Variants in ZNF804B observed in about 807,000 individuals in gnomAD.
ZNF804B encodes zinc finger 804B.
A neutral mutation model predicts 101.4 loss-of-function variants in ZNF804B; 80 were observed. The ratio of observed to expected loss-of-function variants is 0.79; its 90% CI spans 0.66 to 0.95. The LOEUF is 0.95. Among genes scored for constraint, ZNF804B ranks in the 40% least tolerant of loss-of-function variants. ZNF804B has a pLI of 0.00. For synonymous variants in ZNF804B, 622 were observed against 558.8 expected (o/e 1.11, Z -1.59); for missense variants, 1,673 against 1,561.9 (o/e 1.07, Z -1.20).
At chr7:88,955,145 T>A (rs529882172) in intron 1 of ZNF804B, among the ~76,000 whole-genome samples, 1 of 149,956 alleles carries the variant, frequency 6.7e-6, no homozygotes, top group South Asian at 2.1e-4. Flanking sequence ...TTAAAATAAC[T>A]ATGTGGTAAA....
intron 2 of ZNF804B, among the ~76,000 whole-genome samples, chr7:89,267,237 T>A (rs1026419032): frequency 2.6e-5 from 4 of 152,174 alleles, no homozygotes; most frequent in African/African-American, 9.6e-5. Flanking sequence ...CACCTGCTAG[T>A]GACTGGATTC....
At chr7:88,893,483 AAAAT>A (rs2115935394) in intron 1 of ZNF804B, among the ~76,000 whole-genome samples, 1 of 152,270 alleles carries the variant, frequency 6.6e-6, no homozygotes, top group East Asian at 1.9e-4. Flanking sequence ...AGATTTCAAA[AAAAT>A]ACTATATATA....
At chr7:88,976,210 C>A (rs1793613706) in intron 1 of ZNF804B, among the ~76,000 whole-genome samples, 1 of 151,554 alleles carries the variant, frequency 6.6e-6, no homozygotes, top group Non-Finnish European at 1.5e-5. Context: ...GTTCTTATTG[C>A]TCAGAATGGC....
chr7:89,292,706 C>CAAT (rs76213081), intron 2 of ZNF804B, among the ~76,000 whole-genome samples: 38,850 of 151,520 alleles, frequency 0.26, 5,056 homozygotes, highest in Admixed American at 0.29. Flanking sequence ...CCTTACTTAC[C>CAAT]AATAACATCG....
At chr7:88,937,678 A>C (rs750107786) in intron 1 of ZNF804B, among the ~76,000 whole-genome samples, 2 of 152,062 alleles carry the variant, frequency 1.3e-5, no homozygotes, top group African/African-American at 2.4e-5. Context: ...AAAAGAAAAA[A>C]AATGAATTAG....
At chr7:88,974,116 G>C (rs1296053626) in intron 1 of ZNF804B, among the ~76,000 whole-genome samples, 1 of 151,268 alleles carries the variant, frequency 6.6e-6, no homozygotes, top group Non-Finnish European at 1.5e-5. Flanking sequence ...TTCCCGAAGT[G>C]GCAGAAGTCA....
intron 1 of ZNF804B, among the ~76,000 whole-genome samples, chr7:88,848,576 G>T (rs1464548019): frequency 6.7e-6 from 1 of 149,084 alleles, no homozygotes; most frequent in Non-Finnish European, 1.5e-5. Flanking sequence ...TGAAATGATT[G>T]TAAAGTATAT....
chr7:89,026,473 T>C (rs1050434289), intron 1 of ZNF804B, among the ~76,000 whole-genome samples: 3 of 152,154 alleles, frequency 2.0e-5, no homozygotes, highest in Non-Finnish European at 4.4e-5. Flanking sequence ...ATTTGATTTC[T>C]TTGTAGAGAA....
intron 1 of ZNF804B, among the ~76,000 whole-genome samples, chr7:88,933,012 A>G (rs1405703767): frequency 6.6e-6 from 1 of 151,870 alleles, no homozygotes; most frequent in Non-Finnish European, 1.5e-5. Flanking sequence ...TTACAGACCA[A>G]TATCCCTGAT....
chr7:89,323,053 G>A (rs1464673732), intron 2 of ZNF804B, among the ~76,000 whole-genome samples: 2 of 152,234 alleles, frequency 1.3e-5, no homozygotes, highest in South Asian at 2.1e-4. Context: ...GCCTTCGTGA[G>A]TGGGATTAGT....
At chr7:89,004,633 A>G (rs1486838333) in intron 1 of ZNF804B, among the ~76,000 whole-genome samples, 1 of 151,850 alleles carries the variant, frequency 6.6e-6, no homozygotes, top group East Asian at 1.9e-4. Context: ...TTCTTTATGC[A>G]GTGGTGAATA....
chr7:88,795,951 C>T (rs749199121), intron 1 of ZNF804B, among the ~76,000 whole-genome samples: 1 of 152,034 alleles, frequency 6.6e-6, no homozygotes, highest in Non-Finnish European at 1.5e-5. Flanking sequence ...ACATCTTTTT[C>T]CTTTCTTTTT....
intron 1 of ZNF804B, among the ~76,000 whole-genome samples, chr7:89,155,001 A>T: frequency 6.6e-6 from 1 of 152,070 alleles, no homozygotes; most frequent in Non-Finnish European, 1.5e-5. Context: ...GAAAAATGTG[A>T]TATGCTCCAT....
At chr7:89,143,378 A>G (rs1359005266) in intron 1 of ZNF804B, among the ~76,000 whole-genome samples, 1 of 151,722 alleles carries the variant, frequency 6.6e-6, no homozygotes, top group Non-Finnish European at 1.5e-5. Flanking sequence ...CTGAATTTAG[A>G]TGAGCTATGG....
At position 89,238,722 on chromosome 7, in the gene ZNF804B, G is replaced by T. The variant is rs562361413; in HGVS notation, c.249+20427G>T. On this transcript the variant is annotated intron_variant, in intron 2 of 3. Transcript: ENST00000333190. Reference sequence around the variant, plus strand: ...GTGTTGAGTAGTTAATACAATGTCTGCCTTATTCCAGTGGTTCTCAGAAGG... The same window carrying T: ...GTGTTGAGTAGTTAATACAATGTCTTCCTTATTCCAGTGGTTCTCAGAAGG... Among the ~76,000 whole-genome samples the T allele has an allele frequency of 7.5e-4, 112 of 149,772 alleles. 1 individual carries two copies. Among genetic ancestry groups the T allele is most frequent in the African/African-American group, 2.6e-3 (105 of 40,928 alleles).
intron 1 of ZNF804B, among the ~76,000 whole-genome samples, chr7:88,855,750 A>C (rs1193606768): frequency 6.6e-6 from 1 of 152,192 alleles, no homozygotes; most frequent in African/African-American, 2.4e-5. Context: ...CTAACATTTA[A>C]GTCTTTAATC....
intron 1 of ZNF804B, among the ~76,000 whole-genome samples, chr7:89,170,337 C>G (rs1246658192): frequency 6.6e-6 from 1 of 152,176 alleles, no homozygotes; most frequent in Non-Finnish European, 1.5e-5. Context: ...AAGTGTCAAT[C>G]CATTGCCTTT....
intron 1 of ZNF804B, among the ~76,000 whole-genome samples, chr7:88,938,152 A>G (rs1793000387): frequency 6.6e-6 from 1 of 152,056 alleles, no homozygotes; most frequent in East Asian, 1.9e-4. Context: ...AGGTGAATTT[A>G]AACATTTTCT....
At chr7:89,066,282 C>T (rs13233091) in intron 1 of ZNF804B, among the ~76,000 whole-genome samples, 68,175 of 151,840 alleles carry the variant, frequency 0.45, 16,129 homozygotes, top group Non-Finnish European at 0.53. Context: ...AGTAGTCCTA[C>T]TGCCTGTTAT....
Sources: allele counts gnomAD v4.1 joint callset (sites outside exome capture counted in the v4.1 genomes callset), GRCh38; gene constraint gnomAD v4.1.1; transcripts MANE v1.5; gene names NCBI Gene and HGNC (gene_info 2026-07-23, HGNC 2026-07-21).